Variants in ZNF33A observed in about 807,000 individuals in gnomAD.
ZNF33A encodes zinc finger protein 33A, also known as brain my041 protein.
In ZNF33A, 9 loss-of-function variants were observed where a neutral mutation model predicts 15.9. The observed-to-expected ratio is 0.57, with a 90% CI of 0.34 to 0.99. The LOEUF (loss-of-function observed/expected upper bound fraction) is 0.99, where lower values mean the gene tolerates loss of function less well. ZNF33A is among the 50% of genes least tolerant of loss of function. The pLI is 0.02. For missense variants in ZNF33A, 843 were observed against 941.6 expected (o/e 0.90, Z 1.37); for synonymous variants, 294 against 324.2 (o/e 0.91, Z 1.00).
intron 4 of ZNF33A, among the ~76,000 whole-genome samples, chr10:38,029,038 G>C (rs1168998091): frequency 6.6e-6 from 1 of 152,020 alleles, no homozygotes; most frequent in Non-Finnish European, 1.5e-5. Context: ...TTTTTATTTA[G>C]TTCTTATCCA....
chr10:38,038,730 C>T (rs989533788), intron 4 of ZNF33A, among the ~76,000 whole-genome samples: 6 of 152,096 alleles, frequency 3.9e-5, no homozygotes, highest in African/African-American at 1.2e-4. Flanking sequence ...TTGTAGATGC[C>T]TTTAATCAGG....
At chr10:38,034,907 G>A (rs532103960) in intron 4 of ZNF33A, among the ~76,000 whole-genome samples, 3 of 152,136 alleles carry the variant, frequency 2.0e-5, no homozygotes, top group South Asian at 2.1e-4. Flanking sequence ...GGAAATACAC[G>A]TGTATAAACC....
intron 4 of ZNF33A, among the ~76,000 whole-genome samples, chr10:38,043,003 T>C (rs2065776936): frequency 2.6e-5 from 4 of 152,210 alleles, no homozygotes; most frequent in African/African-American, 9.7e-5. Context: ...TCATTGCCTT[T>C]ACCCACAATA....
Position 38,056,009 on chromosome 10 carries a change from A to G in ZNF33A, c.1885A>G (p.Arg629Gly). The G allele has an allele frequency of 6.2e-7, 1 of 1,614,126 alleles. No individual in the cohort carries two copies. Among genetic ancestry groups the G allele is most frequent in the Non-Finnish European group, 8.5e-7 (1 of 1,180,016 alleles). Residue 629 changes from arginine (R) to glycine (G), a missense_variant, in exon 5 of 5, where the codon AGA becomes GGA. Arg to Gly is a moderately radical substitution (Grantham distance 125). Coordinates refer to ENST00000432900, the MANE Select transcript of ZNF33A (RefSeq NM_006954.2). The stretch of plus-strand genomic sequence containing the variant: ...GAAGTCACAACTCACTCAGCATCAG[A>G]GAATTCACATAGGGGAGAAACCCTA... Reference protein sequence around the residue: ...YQKSQLTQHQRIHIGEKPYKC... With the variant: ...YQKSQLTQHQGIHIGEKPYKC...
chr10:38,057,392 G>A lies in ZNF33A; in HGVS notation c.*832G>A. On this transcript the variant is annotated 3_prime_UTR_variant, in exon 5 of 5. Transcript: ENST00000432900. Reference sequence around the variant, plus strand: ...CAGGGCAATAGCATTAAGCACATCTGCGAATTATCCCTGAAGTTCAAAAGA... The same window carrying A: ...CAGGGCAATAGCATTAAGCACATCTACGAATTATCCCTGAAGTTCAAAAGA... 6 of 985,342 alleles carry A rather than the reference G, an allele frequency of 6.1e-6. No individual in the cohort carries two copies. Among genetic ancestry groups the A allele is most frequent in the Non-Finnish European group, 7.2e-6 (6 of 829,916 alleles). The allele number at this position is 985,342 out of a possible 1,614,324, so 61.0% of individuals were successfully genotyped here.
downstream of ZNF33A, among the ~76,000 whole-genome samples, chr10:38,066,026 A>G (rs1475387607): frequency 6.6e-6 from 1 of 151,886 alleles, no homozygotes; most frequent in East Asian, 1.9e-4. Context: ...TTGATGTAGC[A>G]CTCTGACACC....
At position 38,049,287 on chromosome 10, in the gene ZNF33A, TATAAA is replaced by T. The variant is rs1281314446; in HGVS notation, c.251-5084_251-5080del. On this transcript the variant is annotated intron_variant, in intron 4 of 4. Transcript: ENST00000432900. ...ATATAGGAAATTTAGGTATAGCAAATATAAAATACCTATAATACTCATTGATTTCA... is the reference window on the plus strand; with the variant it reads ...ATATAGGAAATTTAGGTATAGCAAATATACCTATAATACTCATTGATTTCA... Among the ~76,000 whole-genome samples the T allele has an allele frequency of 8.5e-5, 13 of 152,196 alleles. No individual in the cohort carries two copies. In the South Asian group the frequency reaches 2.5e-3, roughly 29 times the overall value.
At chr10:38,030,278 T>C (rs2065155835) in intron 4 of ZNF33A, among the ~76,000 whole-genome samples, 1 of 152,196 alleles carries the variant, frequency 6.6e-6, no homozygotes, top group African/African-American at 2.4e-5. Flanking sequence ...AATAAAAACT[T>C]ATGTTCCATC....
intron 4 of ZNF33A, among the ~76,000 whole-genome samples, chr10:38,020,304 G>T (rs1448807750): frequency 6.6e-6 from 1 of 152,008 alleles, no homozygotes; most frequent in African/African-American, 2.4e-5. Flanking sequence ...CATGCAATGT[G>T]TAATAATCAC....
At chr10:38,044,393 A>G (rs7909481) in intron 4 of ZNF33A, among the ~76,000 whole-genome samples, 79,732 of 151,198 alleles carry the variant, frequency 0.53, 21,298 homozygotes, top group South Asian at 0.71. Context: ...TGTTTTTAGT[A>G]GAGACGGGGT....
chr10:38,029,484 C>G (rs1486286508), intron 4 of ZNF33A, among the ~76,000 whole-genome samples: 1 of 152,144 alleles, frequency 6.6e-6, no homozygotes, highest in East Asian at 1.9e-4. Context: ...TTGAAGTCGC[C>G]TTTTTCCTGA....
At chr10:38,065,512 C>G (rs531167786), downstream of ZNF33A, among the ~76,000 whole-genome samples, 82 of 152,330 alleles carry the variant, frequency 5.4e-4, no homozygotes, top group Middle Eastern at 3.4e-3. Context: ...CATCTGTTCT[C>G]TCAATATGTC....
intron 4 of ZNF33A, among the ~76,000 whole-genome samples, chr10:38,043,488 A>G (rs1414141235): frequency 7.1e-6 from 1 of 141,736 alleles, no homozygotes; most frequent in African/African-American, 2.6e-5. Context: ...CCTAAAACTT[A>G]AAGTATAATA....
intron 4 of ZNF33A, among the ~76,000 whole-genome samples, chr10:38,020,598 GT>G (rs1564837803): frequency 6.6e-6 from 1 of 152,034 alleles, no homozygotes; most frequent in Non-Finnish European, 1.5e-5. Flanking sequence ...TCACAAATAA[GT>G]GAGAACATGC....
At chr10:38,062,098 G>A (rs2066661282), downstream of ZNF33A, among the ~76,000 whole-genome samples, 2 of 152,172 alleles carry the variant, frequency 1.3e-5, no homozygotes, top group South Asian at 4.1e-4. Context: ...CAGCTGGAGA[G>A]AACACGCTAG....
rs145783700 is a variant in ZNF33A, at chr10:38,015,478, C to T, written c.10-1393C>T. ...GGATTACAGACACCCGCCAACACGC[C>T]TGGCTAATTTTTTGTATTTTTAGTA... On this transcript the variant is annotated intron_variant, in intron 2 of 4. Transcript: ENST00000432900. 7.2e-3 allele frequency among the ~76,000 whole-genome samples: 1,100 copies of T among 152,080 alleles called. 5 individuals are homozygous for T. Among genetic ancestry groups the T allele is most frequent in the Non-Finnish European group, 0.012 (811 of 67,978 alleles).
chr10:38,054,728 C>A lies in ZNF33A; in HGVS notation c.604C>A (p.His202Asn). ...TTTGAAAAATAGGAACACACTGAGTCATCATGAGGAGACTTTGCAGCATGA... is the reference window on the plus strand; with the variant it reads ...TTTGAAAAATAGGAACACACTGAGTAATCATGAGGAGACTTTGCAGCATGA... Reference protein sequence around the residue: ...EVLKNRNTLSHHEETLQHEKI... With the variant: ...EVLKNRNTLSNHEETLQHEKI... Residue 202 changes from histidine (H) to asparagine (N), a missense_variant, in exon 5 of 5, where the codon CAT becomes AAT. By Grantham distance (68) the His-to-Asn change is moderately conservative (BLOSUM62 1). Transcript: ENST00000432900. 2.5e-6 allele frequency: 4 copies of A among 1,613,642 alleles called. No individual in the cohort carries two copies. In the South Asian group the frequency reaches 4.4e-5, roughly 18 times the overall value.
In ZNF33A at chr10:38,056,742, A is replaced by C; in HGVS notation, c.*182A>C. The stretch of plus-strand genomic sequence containing the variant: ...TGTGAAAGTTTTTGGCAAAAATGCA[A>C]ATAAGGTTATGTTAGAATTTACACT... On this transcript the variant is annotated 3_prime_UTR_variant, in exon 5 of 5. Transcript: ENST00000432900. 1 of 1,249,088 alleles carries C rather than the reference A, an allele frequency of 8.0e-7. No homozygotes were observed. Among genetic ancestry groups the C allele is most frequent in the Non-Finnish European group, 1.0e-6 (1 of 997,184 alleles). The allele number at this position is 1,249,088 out of a possible 1,614,324, so 77.4% of individuals were successfully genotyped here.
At chr10:38,011,091 C>G (rs1377264600) in intron 1 of ZNF33A, among the ~76,000 whole-genome samples, 4 of 152,200 alleles carry the variant, frequency 2.6e-5, no homozygotes, top group Admixed American at 6.5e-5. Flanking sequence ...CTAGCCTGTG[C>G]GCGTGTGCTA....
Sources: allele counts gnomAD v4.1 joint callset (sites outside exome capture counted in the v4.1 genomes callset), GRCh38; gene constraint gnomAD v4.1.1; transcripts MANE v1.5; gene names NCBI Gene and HGNC (gene_info 2026-07-23, HGNC 2026-07-21).